The following SBNO2 variants were observed in gnomAD, a reference collection of about 807,000 sequenced individuals.
SBNO2 encodes the protein strawberry notch homolog 2.
SBNO2 carries 89 observed loss-of-function variants against 146.3 expected under a neutral mutation model. The observed-to-expected ratio is 0.61, with a 90% confidence interval of 0.51 to 0.73. The LOEUF is 0.73. Among genes scored for constraint, SBNO2 ranks in the 30% least tolerant of loss-of-function variants. The pLI is 0.00. For synonymous variants in SBNO2, 1,147 were observed against 892.6 expected, an observed-to-expected ratio of 1.29 and a Z score of -5.08; for missense variants, 2,092 against 2,003.7, an observed-to-expected ratio of 1.04 and a Z score of -0.84.
chr19:1,119,711 G>A, intron 12 of SBNO2, 90 bp from the exon 13 acceptor site: 1 of 1,171,418 alleles, frequency 8.5e-7, no homozygotes, highest in Admixed American at 2.0e-5. Context: ...CCCGACGAGG[G>A]GCCCTGCGGG....
chr19:1,122,155 T>A lies in SBNO2; in HGVS notation c.1133A>T (p.Glu378Val). 7.0e-7 allele frequency: 1 copy of A among 1,432,208 alleles called. No homozygotes were observed. The highest frequency in any genetic ancestry group is 9.2e-7 in the Non-Finnish European group (1 of 1,087,528). 88.7% of individuals were successfully genotyped at this position (1,432,208 alleles called of 1,614,324 possible). A position where few individuals can be genotyped will look rare whatever the true frequency, so the allele number is the denominator to read the frequency against. Residue 378 changes from glutamate (E) to valine (V), a missense_variant, in exon 11 of 32, where the codon GAG becomes GTG. Transcript: ENST00000361757. ...RLRQILDWCG[E>V]AFEGVIVFDE... ...GCAGGATACGACGCCCTCGAAGGCC[T>A]CCCCACACCAGTCCAGGATCTGCCG... is the stretch of plus-strand genomic sequence containing the variant.
At chr19:1,121,561 A>G (rs1041110886) in intron 11 of SBNO2, among the ~76,000 whole-genome samples, 1 of 152,232 alleles carries the variant, frequency 6.6e-6, no homozygotes, top group Non-Finnish European at 1.5e-5. Context: ...GCCGAGCACC[A>G]GGGCTGAGCC....
chr19:1,108,039 T>A lies in SBNO2; in HGVS notation c.*181A>T. ...CCTGCCACGCCCCGGCCCCCAGCTG[T>A]CCTGAGTGGGCCCCGCCAGGGCTGA... On this transcript the variant is annotated 3_prime_UTR_variant, in exon 32 of 32. Coordinates refer to ENST00000361757, the MANE Select transcript of SBNO2 (RefSeq NM_014963.3). 1.9e-6 allele frequency: 1 copy of A among 540,172 alleles called. No homozygotes were observed. The highest frequency in any genetic ancestry group is 4.7e-5 in the Admixed American group (1 of 21,496). The allele number at this position is 540,172 out of a possible 1,614,324, so 33.5% of individuals were successfully genotyped here.
rs1178659860 is a variant in SBNO2, at chr19:1,107,746, G to A, written c.*474C>T. 6.5e-6 allele frequency: 1 copy of A among 153,328 alleles called. No individual in the cohort carries two copies. The highest frequency in any genetic ancestry group is 1.9e-4 in the East Asian group (1 of 5,224). The allele number at this position is 153,328 out of a possible 1,614,324, so 9.5% of individuals were successfully genotyped here. On this transcript the variant is annotated 3_prime_UTR_variant, in exon 32 of 32. Transcript: ENST00000361757. The stretch of plus-strand genomic sequence containing the variant: ...CGCCACCCTGCCAGCTCCGCGGCCT[G>A]GGGCCTGGGAGAGGTGAGCGGGCAA...
rs913103464 is a variant in SBNO2 at position 1,140,182 on chromosome 19, C to A, written c.279+7127G>T. Among the ~76,000 whole-genome samples the A allele has an allele frequency of 2.6e-5, 4 of 151,970 alleles. No homozygotes were observed. The highest frequency in any genetic ancestry group is 9.7e-5 in the African/African-American group (4 of 41,388). ...GGGCGTGGTGGTGGGCACCTGTAGTCCCAGCTACTCGGGAGGCTGAGGCGG... is the reference window on the plus strand; with the variant it reads ...GGGCGTGGTGGTGGGCACCTGTAGTACCAGCTACTCGGGAGGCTGAGGCGG... On this transcript the variant is annotated intron_variant, in intron 4 of 31. Transcript: ENST00000361757. This position sits in a 1 kb window ranked among gnomAD's most constrained non-coding sequence, Gnocchi z 4.4.
intron 1 of SBNO2, among the ~76,000 whole-genome samples, chr19:1,166,023 A>AT (rs2080417082): frequency 1.5e-5 from 2 of 130,290 alleles, no homozygotes; most frequent in Non-Finnish European, 3.3e-5. Context: ...CAGACCTCAG[A>AT]CCCCAGACCC....
In SBNO2 at chr19:1,153,764, G is replaced by C. The variant is rs1157753769; in HGVS notation, c.93+420C>G. Among the ~76,000 whole-genome samples, 5 of 152,140 alleles carry C rather than the reference G, an allele frequency of 3.3e-5. No homozygotes were observed. In the South Asian group the frequency reaches 8.3e-4, roughly 25 times the overall value. ...TGTTGGCCAGGCTGGTCTTGAACTC[G>C]GGACCTCAGGTGATCTGCCCACCTC... On this transcript the variant is annotated intron_variant, in intron 2 of 31. Coordinates refer to ENST00000361757, the MANE Select transcript of SBNO2 (RefSeq NM_014963.3).
Position 1,112,411 on chromosome 19 carries a change from G to A in SBNO2, c.2506C>T (p.Gln836Ter), listed in dbSNP as rs2079775292. ...ELPWSADRAI[Q>*]QFGRTHRSNQ... ...GCGGGGCCGGACTCACCGAACTGCTGGATGGCGCGGTCGGCGCTCCACGGC... is the reference window on the plus strand; with the variant it reads ...GCGGGGCCGGACTCACCGAACTGCTAGATGGCGCGGTCGGCGCTCCACGGC... Residue 836 changes from glutamine to a stop codon, truncating the protein, a stop_gained, in exon 21 of 32, where the codon CAG becomes TAG. Transcript: ENST00000361757. LOFTEE classifies it high-confidence loss of function. The surrounding 1 kb of genome is among the most constrained non-coding windows in gnomAD (Gnocchi z 5.9). 6.2e-7 allele frequency: 1 copy of A among 1,603,350 alleles called. No homozygotes were observed. The highest frequency in any genetic ancestry group is 1.7e-5 in the Admixed American group (1 of 59,608).
In SBNO2 at chr19:1,122,700, ACTCCGGCCAC is replaced by A; in HGVS notation, c.862_871del (p.Val288SerfsTer65). On this transcript the variant is annotated frameshift_variant, in exon 9 of 32. Transcript: ENST00000361757. LOFTEE classifies it high-confidence loss of function. ...GCCGCGCAGGTGGTTCTCCAGGATG[ACTCCGGCCAC>A]CGTCCGGCCTTTGCCCACGCCGGCC... 1 of 1,535,210 alleles carries A rather than the reference ACTCCGGCCAC, an allele frequency of 6.5e-7. No homozygotes were observed. The highest frequency in any genetic ancestry group is 8.7e-7 in the Non-Finnish European group (1 of 1,146,184).
chr19:1,167,087 G>A (rs1014229018), intron 1 of SBNO2, among the ~76,000 whole-genome samples: 3 of 152,388 alleles, frequency 2.0e-5, no homozygotes, highest in Non-Finnish European at 2.9e-5. Context: ...TTCTGGCTTC[G>A]GGCTGGGCTT....
rs1018406981 is a variant in SBNO2 at position 1,170,970 on chromosome 19, T to C, written c.-127+3202A>G. On this transcript the variant is annotated intron_variant, in intron 1 of 31. Transcript: ENST00000361757. The stretch of plus-strand genomic sequence containing the variant: ...CACAAAATACACACAACCACCAAAA[T>C]ACACACACACAACATACGAGGACAG... Among the ~76,000 whole-genome samples, 12 of 149,298 alleles carry C rather than the reference T, an allele frequency of 8.0e-5. No individual in the cohort carries two copies. The South Asian group carries it at 2.6e-3, about 32-fold the overall frequency.
chr19:1,139,264 A>G (rs2080113295), intron 4 of SBNO2, among the ~76,000 whole-genome samples: 1 of 152,028 alleles, frequency 6.6e-6, no homozygotes, highest in South Asian at 2.1e-4. Flanking sequence ...GTGTGATCCC[A>G]TTTCTATGAA....
rs774510551 is a variant in SBNO2 at position 1,123,948 on chromosome 19, G to C, written c.516C>G (p.Ser172Arg). The C allele has an allele frequency of 6.2e-7, 1 of 1,611,464 alleles. No homozygotes were observed. The highest frequency in any genetic ancestry group is 8.5e-7 in the Non-Finnish European group (1 of 1,179,200). Residue 172 changes from serine to arginine, a missense_variant, in exon 6 of 32, where the codon AGC becomes AGG. Ser to Arg is a moderately radical substitution (Grantham distance 110). Transcript: ENST00000361757. ...LPSHSTPLLV[S>R]YQEQSVQSQP... ...TCGGCTGGGCCCAGCTCACCTGGTA[G>C]CTGACGAGAAGCGGGGTGCTGTGGG...
Position 1,122,980 on chromosome 19 carries a change from G to C in SBNO2, c.694C>G (p.Pro232Ala). The C allele has an allele frequency of 3.2e-6, 5 of 1,577,026 alleles. No homozygotes were observed. Among genetic ancestry groups the C allele is most frequent in the Non-Finnish European group, 4.3e-6 (5 of 1,162,188 alleles). The change falls in exon 8 of 32, where the codon CCA becomes GCA. Residue 232 changes from proline (P) to alanine (A), a missense_variant. Transcript: ENST00000361757. ...AGGGCCAGGGTGTAGGTGATGTCTG[G>C]GGGTGGGACGCTGGACAGTGTGCTG... is the stretch of plus-strand genomic sequence containing the variant. Reference protein sequence around the residue: ...ETSTLSSVPPPDITYTLALPS... With the variant: ...ETSTLSSVPPADITYTLALPS...
chr19:1,161,661 A>C (rs1036863489), intron 1 of SBNO2, among the ~76,000 whole-genome samples: 4 of 151,814 alleles, frequency 2.6e-5, no homozygotes, highest in African/African-American at 4.8e-5. Flanking sequence ...CAGGACCCAC[A>C]TTTTAGGAAC....
chr19:1,153,114 C>T (rs1183112562), intron 2 of SBNO2, among the ~76,000 whole-genome samples: 1 of 151,582 alleles, frequency 6.6e-6, no homozygotes, highest in Non-Finnish European at 1.5e-5. Flanking sequence ...GATCGCACCA[C>T]TGCACTTCCA....
At chr19:1,127,195 C>T (rs980745543) in intron 5 of SBNO2, among the ~76,000 whole-genome samples, 3 of 152,236 alleles carry the variant, frequency 2.0e-5, no homozygotes, top group Non-Finnish European at 4.4e-5. Flanking sequence ...GCTGCCTCTC[C>T]AGGGGGCCCT....
chr19:1,121,498 C>G (rs1037217747), intron 11 of SBNO2, among the ~76,000 whole-genome samples: 1 of 152,228 alleles, frequency 6.6e-6, no homozygotes, highest in African/African-American at 2.4e-5. Context: ...ACGTCCCTCC[C>G]TTATCTGAGC....
chr19:1,147,431 A>AGGG lies in SBNO2; in HGVS notation c.168-12_168-11insCCC. 1 of 591,012 alleles carries AGGG rather than the reference A, an allele frequency of 1.7e-6. No individual in the cohort carries two copies. The highest frequency in any genetic ancestry group is 2.6e-6 in the Non-Finnish European group (1 of 381,564). The allele number at this position is 591,012 out of a possible 1,614,324, so 36.6% of individuals were successfully genotyped here. A position where few individuals can be genotyped will look rare whatever the true frequency, so the allele number is the denominator to read the frequency against. On this transcript the variant is annotated splice_polypyrimidine_tract_variant and intron_variant, in intron 3 of 31. Transcript: ENST00000361757. ...GAGCTCATGAACGGGCTGGAGGGAGATGGGGGGGGGGGAGGTGAGATGGGG... is the reference window on the plus strand; with the variant it reads ...GAGCTCATGAACGGGCTGGAGGGAGAGGGTGGGGGGGGGGGAGGTGAGATGGGG...
Sources: gnomAD v4.1 joint callset for allele counts (sites outside exome capture counted in the v4.1 genomes callset) on GRCh38, gnomAD v4.1.1 for gene constraint, Gnocchi (gnomAD v3.1) non-coding constraint, MANE v1.5 for transcripts, NCBI Gene and HGNC (gene_info 2026-07-23, HGNC 2026-07-21) for gene names.